Variants in CCDC146 observed in about 807,000 individuals in gnomAD.
CCDC146 encodes the protein coiled-coil domain-containing protein 146.
In CCDC146, 92 loss-of-function variants were observed where a neutral mutation model predicts 119.3. The ratio of observed to expected loss-of-function variants is 0.77; its 90% CI spans 0.65 to 0.92. The LOEUF (loss-of-function observed/expected upper bound fraction) is 0.92. CCDC146 is among the 40% of genes least tolerant of loss of function. CCDC146 has a pLI of 0.00. For synonymous variants in CCDC146, 372 were observed against 371.8 expected (o/e 1.00, Z -0.01); for missense variants, 1,000 against 1,103.0 (o/e 0.91, Z 1.32).
chr7:77,236,828 C>A, intron 2 of CCDC146, 119 bp from the exon 3 acceptor site: 3 of 725,172 alleles, frequency 4.1e-6, no homozygotes, highest in African/African-American at 3.5e-5. Flanking sequence ...ACTACATTGC[C>A]TCGTGTATCC....
intron 17 of CCDC146, among the ~76,000 whole-genome samples, chr7:77,292,171 A>G (rs55786086): frequency 0.24 from 35,932 of 151,894 alleles, 5,007 homozygotes; most frequent in African/African-American, 0.38. Context: ...GTGCATGGCT[A>G]TAGTCCTATC....
At chr7:77,173,910 A>G (rs1791464449) in intron 2 of CCDC146, among the ~76,000 whole-genome samples, 1 of 152,346 alleles carries the variant, frequency 6.6e-6, no homozygotes, top group African/African-American at 2.4e-5. Context: ...ACATGTCCAT[A>G]ACTGAATTTG....
At chr7:77,220,719 A>C (rs991826564) in intron 2 of CCDC146, among the ~76,000 whole-genome samples, 16 of 152,136 alleles carry the variant, frequency 1.1e-4, no homozygotes, top group Non-Finnish European at 2.2e-4. Flanking sequence ...CAGGTGTTGA[A>C]TTTTCTGCTT....
rs1167027961 is a variant in CCDC146, at chr7:77,293,119, C to T, written c.2583C>T (p.Leu861=). 1 of 1,614,096 alleles carries T rather than the reference C, an allele frequency of 6.2e-7. No homozygotes were observed. The highest frequency in any genetic ancestry group is 1.7e-5 in the Admixed American group (1 of 60,026). ...CNSRIEKGLP[L]NKEIEKEWLK... ...CCAGGATAGAAAAAGGTCTGCCACT[C>T]AATAAGGAAATTGAGAAAGAATGGT... Residue 861 remains leucine (L), a synonymous_variant, in exon 18 of 19, where the codon CTC becomes CTT. Coordinates refer to ENST00000285871, the MANE Select transcript of CCDC146 (RefSeq NM_020879.3).
chr7:77,251,829 G>A (rs1385075306), intron 4 of CCDC146, among the ~76,000 whole-genome samples: 1 of 152,136 alleles, frequency 6.6e-6, no homozygotes, highest in Non-Finnish European at 1.5e-5. Flanking sequence ...AATCTGAACA[G>A]AGAGAAAAAA....
intron 9 of CCDC146, among the ~76,000 whole-genome samples, chr7:77,273,399 C>T (rs1034807460): frequency 6.6e-6 from 1 of 152,064 alleles, no homozygotes; most frequent in Non-Finnish European, 1.5e-5. Flanking sequence ...TTTGCCATGG[C>T]TTATAAAGAA....
Position 77,259,400 on chromosome 7 carries a change from T to G in CCDC146, c.758+332T>G, listed in dbSNP as rs149080840. 1.7e-3 allele frequency: 351 copies of G among 203,474 alleles called. 1 individual carries two copies. Among genetic ancestry groups the G allele is most frequent in the African/African-American group, 7.1e-3 (302 of 42,788 alleles). The allele number at this position is 203,474 out of a possible 1,614,324, so 12.6% of individuals were successfully genotyped here. ...GTTAGAATTTCATAGTCTAGAAGTA[T>G]ATCAGCCAGGCAGCAGCCCAAAGCC... On this transcript the variant is annotated intron_variant, in intron 7 of 18. Transcript: ENST00000285871.
chr7:77,208,216 C>T (rs1792114974), intron 2 of CCDC146, among the ~76,000 whole-genome samples: 1 of 152,172 alleles, frequency 6.6e-6, no homozygotes, highest in South Asian at 2.1e-4. Context: ...GTCATTAATT[C>T]CAAATTAGAC....
intron 1 of CCDC146, among the ~76,000 whole-genome samples, chr7:77,150,601 A>G (rs2908604): frequency 6.6e-6 from 1 of 152,292 alleles, no homozygotes; most frequent in Middle Eastern, 3.4e-3. Context: ...CTGGTACGTT[A>G]TTGGTAGGAA....
chr7:77,218,258 C>A (rs1476973400), intron 2 of CCDC146, among the ~76,000 whole-genome samples: 3 of 150,852 alleles, frequency 2.0e-5, no homozygotes, highest in African/African-American at 7.3e-5. Flanking sequence ...TGAATTATAA[C>A]CTTTGTAATT....
chr7:77,276,920 A>T (rs1296626465), intron 11 of CCDC146, among the ~76,000 whole-genome samples: 1 of 152,110 alleles, frequency 6.6e-6, no homozygotes, highest in Non-Finnish European at 1.5e-5. Flanking sequence ...AAAGTACAAA[A>T]AATTAGCCTG....
chr7:77,265,469 T>C (rs1793382612), intron 9 of CCDC146, among the ~76,000 whole-genome samples: 1 of 152,186 alleles, frequency 6.6e-6, no homozygotes, highest in African/African-American at 2.4e-5. Flanking sequence ...GTAACCTAAA[T>C]AGAAGCAATA....
At chr7:77,180,695 CAAAAA>C in intron 2 of CCDC146, among the ~76,000 whole-genome samples, 1 of 151,426 alleles carries the variant, frequency 6.6e-6, no homozygotes, top group Non-Finnish European at 1.5e-5. Flanking sequence ...GACCTCGTCT[CAAAAA>C]AAAGATCCCT....
In CCDC146 at chr7:77,280,496, G is replaced by A. The variant is rs766524443; in HGVS notation, c.1762G>A (p.Val588Met). ...CATCAGAGAGAGCATGCAAAACGAT[G>A]TGCGCAAAATTGTATCAAAACTTCA... is the stretch of plus-strand genomic sequence containing the variant. ...VTIRESMQNDVRKIVSKLQEM... is the reference protein window; with the variant it reads ...VTIRESMQNDMRKIVSKLQEM... Residue 588 changes from valine to methionine, a missense_variant, in exon 14 of 19, where the codon GTG becomes ATG. Val to Met is a conservative substitution (Grantham distance 21). Transcript: ENST00000285871. 3.1e-6 allele frequency: 5 copies of A among 1,614,020 alleles called. No homozygotes were observed. Among genetic ancestry groups the A allele is most frequent in the Non-Finnish European group, 4.2e-6 (5 of 1,180,010 alleles).
chr7:77,198,004 G>C (rs1384961465), intron 2 of CCDC146: 2 of 345,300 alleles, frequency 5.8e-6, no homozygotes, highest in Non-Finnish European at 8.2e-6. Context: ...TGTATATTTA[G>C]AGCTCAGAAT....
intron 2 of CCDC146, among the ~76,000 whole-genome samples, chr7:77,222,222 G>C (rs775065849): frequency 1.2e-4 from 18 of 152,154 alleles, no homozygotes; most frequent in Non-Finnish European, 2.5e-4. Flanking sequence ...TTGAGTTCTT[G>C]TTCTTTTTTA....
At chr7:77,142,572 A>G (rs908430658) in intron 1 of CCDC146, among the ~76,000 whole-genome samples, 2 of 136,270 alleles carry the variant, frequency 1.5e-5, no homozygotes, top group African/African-American at 5.5e-5. Context: ...CCCTTCCCCC[A>G]CCTTACAACA....
At chr7:77,179,714 A>G (rs1165421878) in intron 2 of CCDC146, among the ~76,000 whole-genome samples, 1 of 152,182 alleles carries the variant, frequency 6.6e-6, no homozygotes, top group East Asian at 1.9e-4. Flanking sequence ...GCTCGTTCAA[A>G]AAAAACCTTT....
chr7:77,283,255 C>T (rs1793794016), intron 15 of CCDC146, among the ~76,000 whole-genome samples: 1 of 152,158 alleles, frequency 6.6e-6, no homozygotes, highest in South Asian at 2.1e-4. Context: ...TTATTAACCA[C>T]TGTAGTTCTA....
Sources: gnomAD v4.1 joint callset for allele counts (sites outside exome capture counted in the v4.1 genomes callset) on GRCh38, gnomAD v4.1.1 for gene constraint, MANE v1.5 for transcripts, NCBI Gene and HGNC (gene_info 2026-07-23, HGNC 2026-07-21) for gene names.